The following EYS variants were observed in gnomAD, a reference collection of about 807,000 sequenced individuals.
EYS encodes EGF-like photoreceptor maintenance factor.
Under a neutral mutation model 282.1 loss-of-function variants are expected in EYS, and 250 were observed. The ratio of observed to expected loss-of-function variants is 0.89; its 90% CI spans 0.80 to 0.98. The LOEUF is 0.98. EYS is among the 50% of genes least tolerant of loss of function. The pLI, the probability that EYS is intolerant of heterozygous loss-of-function variation, is 0.00. For synonymous variants in EYS, 1,355 were observed against 1,282.9 expected, an observed-to-expected ratio of 1.06 and a Z score of -1.20; for missense variants, 4,016 against 3,709.0, an observed-to-expected ratio of 1.08 and a Z score of -2.15.
At chr6:65,392,944 T>A (rs1766108397) in intron 7 of EYS, among the ~76,000 whole-genome samples, 2 of 152,132 alleles carry the variant, frequency 1.3e-5, no homozygotes, top group Admixed American at 1.3e-4. Context: ...AATGATAGAC[T>A]GGATTAAGAA....
intron 31 of EYS, among the ~76,000 whole-genome samples, chr6:64,212,490 A>G (rs1440402461): frequency 6.6e-6 from 1 of 152,090 alleles, no homozygotes. Context: ...ACATATATAT[A>G]CACTCATACA....
chr6:64,694,831 G>A (rs80220026), intron 22 of EYS, among the ~76,000 whole-genome samples: 4,336 of 152,140 alleles, frequency 0.029, 130 homozygotes, highest in East Asian at 0.14. Flanking sequence ...CAAATTTTTT[G>A]GCCTGGTGCA....
At chr6:64,623,559 A>C (rs372780276) in intron 23 of EYS, among the ~76,000 whole-genome samples, 3 of 152,174 alleles carry the variant, frequency 2.0e-5, no homozygotes, top group African/African-American at 4.8e-5. Flanking sequence ...AAGCACATAC[A>C]TGCCAAAGAA....
At chr6:65,246,896 C>G (rs1480885439) in intron 12 of EYS, among the ~76,000 whole-genome samples, 3 of 151,898 alleles carry the variant, frequency 2.0e-5, no homozygotes, top group Non-Finnish European at 2.9e-5. Context: ...AAGTACATTC[C>G]TAAAGTAACA....
chr6:64,390,146 G>T (rs1197606395), intron 28 of EYS, among the ~76,000 whole-genome samples: 2 of 152,126 alleles, frequency 1.3e-5, no homozygotes, highest in African/African-American at 4.8e-5. Flanking sequence ...CTCGCTGATT[G>T]CTAGCACAGC....
intron 41 of EYS, among the ~76,000 whole-genome samples, chr6:63,729,319 T>C (rs1768719590): frequency 6.6e-6 from 1 of 152,128 alleles, no homozygotes; most frequent in African/African-American, 2.4e-5. Flanking sequence ...TTTTTTAATT[T>C]TAATGAAATC....
At chr6:65,068,736 C>T (rs758983545) in intron 12 of EYS, among the ~76,000 whole-genome samples, 1 of 151,888 alleles carries the variant, frequency 6.6e-6, no homozygotes, top group Non-Finnish European at 1.5e-5. Flanking sequence ...GAAAATGTTA[C>T]CAATTTTTAC....
At chr6:63,772,743 T>C (rs1313110855) in intron 40 of EYS, among the ~76,000 whole-genome samples, 2 of 152,120 alleles carry the variant, frequency 1.3e-5, no homozygotes, top group East Asian at 3.8e-4. Flanking sequence ...GTGAAACATT[T>C]TACCTGGTTC....
At chr6:64,071,835 CTG>C (rs1280332910) in intron 32 of EYS, among the ~76,000 whole-genome samples, 4 of 151,488 alleles carry the variant, frequency 2.6e-5, no homozygotes, top group African/African-American at 7.3e-5. Context: ...AAAACCAACT[CTG>C]AGGAAAATTT....
intron 7 of EYS, among the ~76,000 whole-genome samples, chr6:65,390,710 C>A (rs2150356058): frequency 6.6e-6 from 1 of 151,836 alleles, no homozygotes; most frequent in South Asian, 2.1e-4. Flanking sequence ...ATAGTAAGAC[C>A]CCATATCCAC....
chr6:64,425,644 A>C (rs933107848), intron 28 of EYS, among the ~76,000 whole-genome samples: 9 of 148,320 alleles, frequency 6.1e-5, no homozygotes, highest in African/African-American at 2.3e-4. Context: ...ACAAGAGTAA[A>C]ACTCCATCCC....
chr6:64,550,306 C>T (rs950457517), intron 26 of EYS, among the ~76,000 whole-genome samples: 10 of 152,278 alleles, frequency 6.6e-5, no homozygotes, highest in South Asian at 2.1e-4. Context: ...CCTGAGGAAT[C>T]GCCACTCTGA....
intron 2 of EYS, among the ~76,000 whole-genome samples, chr6:65,521,632 T>C (rs950627125): frequency 1.3e-5 from 2 of 152,184 alleles, no homozygotes; most frequent in African/African-American, 4.8e-5. Flanking sequence ...ACAATTTGAA[T>C]AAGGTTTCTT....
intron 32 of EYS, among the ~76,000 whole-genome samples, chr6:64,069,436 G>A (rs1771491966): frequency 6.6e-6 from 1 of 151,512 alleles, no homozygotes; most frequent in African/African-American, 2.4e-5. Flanking sequence ...GTATATGTAT[G>A]TATATACATA....
chr6:64,590,658 G>C lies in EYS; in HGVS notation c.5209C>G (p.Leu1737Val). ...KSKGSHTLFK[L>V]HPSDSSLDFE... ...TCCAGAGAACTATCACTTGGGTGAA[G>C]TTTGAACAGTGTATGAGATCCTTTA... Residue 1737 changes from leucine (L) to valine (V), a missense_variant, in exon 26 of 43, where the codon CTT becomes GTT. Coordinates refer to ENST00000503581, the MANE Select transcript of EYS (RefSeq NM_001142800.2). 6.4e-7 allele frequency: 1 copy of C among 1,551,320 alleles called. No homozygotes were observed. The highest frequency in any genetic ancestry group is 8.7e-7 in the Non-Finnish European group (1 of 1,146,744).
intron 28 of EYS, among the ~76,000 whole-genome samples, chr6:64,408,030 C>T (rs372863304): frequency 6.6e-6 from 1 of 152,054 alleles, no homozygotes; most frequent in Non-Finnish European, 1.5e-5. Context: ...TCCAGCCGCA[C>T]ACATTATTTT....
chr6:64,854,997 T>G (rs1316570724), intron 19 of EYS, among the ~76,000 whole-genome samples: 1 of 152,202 alleles, frequency 6.6e-6, no homozygotes, highest in Non-Finnish European at 1.5e-5. Context: ...GTGTCACTAT[T>G]GTCTTCTGGT....
intron 12 of EYS, among the ~76,000 whole-genome samples, chr6:65,192,146 T>C (rs183878915): frequency 1.3e-5 from 2 of 151,770 alleles, no homozygotes; most frequent in Non-Finnish European, 2.9e-5. Flanking sequence ...TTTTAATGAT[T>C]AGGCTTTTGA....
chr6:65,140,546 G>T (rs1764302482), intron 12 of EYS, among the ~76,000 whole-genome samples: 1 of 151,472 alleles, frequency 6.6e-6, no homozygotes. Flanking sequence ...CCATCAGAGT[G>T]AACAGGCAAC....
Sources: gnomAD v4.1 joint callset for allele counts (sites outside exome capture counted in the v4.1 genomes callset) on GRCh38, gnomAD v4.1.1 for gene constraint, MANE v1.5 for transcripts, NCBI Gene and HGNC (gene_info 2026-07-23, HGNC 2026-07-21) for gene names.